TLN2: variants seen among roughly 807,000 people sequenced by gnomAD.
The protein encoded by TLN2 is talin-2.
Under a neutral mutation model 294.7 loss-of-function variants are expected in TLN2, and 118 were observed. The observed-to-expected ratio is 0.40, with a 90% CI of 0.34 to 0.47. TLN2 has a LOEUF of 0.47. Among genes scored for constraint, TLN2 ranks in the 20% least tolerant of loss-of-function variants. The probability of loss-of-function intolerance (pLI) is 0.84; values close to 1 mark genes in which losing one functional copy is unlikely to be tolerated. For missense variants in TLN2, 3,083 were observed against 3,282.2 expected (o/e 0.94, Z 1.48); for synonymous variants, 1,431 against 1,304.5 (o/e 1.10, Z -2.09).
intron 26 of TLN2, among the ~76,000 whole-genome samples, chr15:62,724,356 G>A (rs2060319362): frequency 6.6e-6 from 1 of 152,122 alleles, no homozygotes; most frequent in Non-Finnish European, 1.5e-5. Flanking sequence ...TTAGTATACT[G>A]ATCAATAATT....
Position 62,690,831 on chromosome 15 carries a change from C to T in TLN2, c.1114-2009C>T, listed in dbSNP as rs559813458. Among the ~76,000 whole-genome samples, 23 of 151,604 alleles carry T rather than the reference C, an allele frequency of 1.5e-4. No homozygotes were observed. In the East Asian group the frequency reaches 4.3e-3, roughly 28 times the overall value. The stretch of plus-strand genomic sequence containing the variant: ...CTGGAGACCAGCCCGGCCAACACAG[C>T]GAAACCCCGTCTCCACCAAAAAAAA... On this transcript the variant is annotated intron_variant, in intron 12 of 58. Coordinates refer to ENST00000636159, the MANE Select transcript of TLN2 (RefSeq NM_015059.3).
rs138213879 is a variant in TLN2 at position 62,577,588 on chromosome 15, A to C, written c.-237-12099A>C. ...CTGGGAAGGAATTAAATGGGGGCCT[A>C]GGATGAAATAATTTTGGCCGTGAGT... is the stretch of plus-strand genomic sequence containing the variant. On this transcript the variant is annotated intron_variant, in intron 1 of 58. Transcript: ENST00000636159. Among the ~76,000 whole-genome samples the C allele has an allele frequency of 1.7e-3, 254 of 152,334 alleles. 1 individual carries two copies. The highest frequency in any genetic ancestry group is 5.9e-3 in the African/African-American group (246 of 41,570).
intron 45 of TLN2, among the ~76,000 whole-genome samples, chr15:62,787,491 C>G (rs986474138): frequency 2.6e-5 from 4 of 151,694 alleles, no homozygotes; most frequent in Admixed American, 2.0e-4. Flanking sequence ...TTTATTTCGA[C>G]AAAAAAAGAA....
intron 1 of TLN2, among the ~76,000 whole-genome samples, chr15:62,503,729 T>G (rs1014785136): frequency 1.3e-5 from 2 of 152,216 alleles, no homozygotes; most frequent in African/African-American, 4.8e-5. Flanking sequence ...ATTGTCCTGT[T>G]GTGAATTTTC....
intron 1 of TLN2, among the ~76,000 whole-genome samples, chr15:62,479,578 G>A (rs2037971190): frequency 6.6e-6 from 1 of 152,182 alleles, no homozygotes; most frequent in Admixed American, 6.5e-5. Context: ...CTGGGTTCAA[G>A]CAATTCTCCT....
chr15:62,768,266 G>A (rs1014264114), intron 41 of TLN2, among the ~76,000 whole-genome samples: 8 of 152,156 alleles, frequency 5.3e-5, no homozygotes, highest in African/African-American at 1.9e-4. Context: ...GTGGTGGCAG[G>A]GCTGTGCAGT....
At chr15:62,763,040 T>A (rs964352205) in intron 39 of TLN2, among the ~76,000 whole-genome samples, 1 of 152,210 alleles carries the variant, frequency 6.6e-6, no homozygotes, top group South Asian at 2.1e-4. Context: ...TCCTTAATTA[T>A]ATTTTGCTTC....
intron 25 of TLN2, among the ~76,000 whole-genome samples, chr15:62,722,079 T>G (rs913061812): frequency 2.8e-4 from 43 of 152,180 alleles, no homozygotes; most frequent in Middle Eastern, 3.4e-3. Flanking sequence ...TTGAAATCGG[T>G]TTTAAATGAG....
chr15:62,472,221 A>G (rs899914447), intron 1 of TLN2, among the ~76,000 whole-genome samples: 4 of 150,708 alleles, frequency 2.7e-5, no homozygotes, highest in African/African-American at 9.8e-5. Flanking sequence ...TTTTTCCAGG[A>G]CCCCTCCCCA....
intron 1 of TLN2, among the ~76,000 whole-genome samples, chr15:62,425,289 G>C (rs1355775945): frequency 6.6e-6 from 1 of 151,866 alleles, no homozygotes. Flanking sequence ...TGATTCTAAT[G>C]TGCTGCTGCT....
chr15:62,691,813 G>A (rs1424822975), intron 12 of TLN2, among the ~76,000 whole-genome samples: 2 of 151,828 alleles, frequency 1.3e-5, no homozygotes, highest in Non-Finnish European at 2.9e-5. Context: ...GGAACTGCAG[G>A]CTCATGCCAC....
At chr15:62,535,550 A>G (rs2041296124) in intron 1 of TLN2, among the ~76,000 whole-genome samples, 1 of 145,970 alleles carries the variant, frequency 6.9e-6, no homozygotes, top group South Asian at 2.2e-4. Context: ...TGGGTTAGAT[A>G]ACTTGATTTT....
Position 62,655,601 on chromosome 15 carries a change from G to T in TLN2, c.518-343G>T, listed in dbSNP as rs2053124632. On this transcript the variant is annotated intron_variant, in intron 7 of 58. Coordinates refer to ENST00000636159, the MANE Select transcript of TLN2 (RefSeq NM_015059.3). ...TTCATTGTAGCACATGTCACCGTGG[G>T]TTGGCTGGCACTGTCCCCTGCTCCA... Among the ~76,000 whole-genome samples the T allele has an allele frequency of 0.057, 57 of 996 alleles. 28 individuals carry two copies. In the Non-Finnish European group the frequency reaches 0.66, roughly 11 times the overall value. 0.7% of individuals were successfully genotyped at this position (996 alleles called of 152,430 possible).
intron 11 of TLN2, among the ~76,000 whole-genome samples, chr15:62,676,333 A>G (rs2056183122): frequency 6.6e-6 from 1 of 152,230 alleles, no homozygotes; most frequent in Admixed American, 6.5e-5. Flanking sequence ...TAACCAAACT[A>G]GCTCTCAGTT....
At chr15:62,679,970 C>T (rs2056660673) in intron 11 of TLN2, among the ~76,000 whole-genome samples, 1 of 152,190 alleles carries the variant, frequency 6.6e-6, no homozygotes, top group South Asian at 2.1e-4. Context: ...GCATCATTTT[C>T]AAAATCTAGT....
intron 32 of TLN2, among the ~76,000 whole-genome samples, chr15:62,746,752 GAGTCGAATTCTGGGCCCTGCC>G (rs2061636499): frequency 1.3e-5 from 2 of 152,202 alleles, no homozygotes; most frequent in South Asian, 4.1e-4. Flanking sequence ...GTTAGAAACT[GAGTCGAATTCTGGGCCCTGCC>G]AGAAGCGTGG....
intron 1 of TLN2, among the ~76,000 whole-genome samples, chr15:62,566,451 G>A (rs1290427226): frequency 1.3e-5 from 2 of 151,988 alleles, no homozygotes; most frequent in East Asian, 3.9e-4. Context: ...GGGGTATAAG[G>A]CGAGTTCTAG....
rs1466842133 is a variant in TLN2 at position 62,392,208 on chromosome 15, T to TGAA, written c.-238+1524_-238+1525insAAG. On this transcript the variant is annotated intron_variant, in intron 1 of 58. Transcript: ENST00000636159. ...GCTTCAGGTGACGCGTGGGGAAACTTGGATTCTTGCTGTCCTTGAAGAGCT... is the reference window on the plus strand; with the variant it reads ...GCTTCAGGTGACGCGTGGGGAAACTTGAAGGATTCTTGCTGTCCTTGAAGAGCT... Among the ~76,000 whole-genome samples the TGAA allele has an allele frequency of 7.9e-5, 12 of 152,334 alleles. No homozygotes were observed. In the East Asian group the frequency reaches 2.1e-3, roughly 27 times the overall value.
chr15:62,811,176 A>G (rs541883575), intron 52 of TLN2, among the ~76,000 whole-genome samples: 2 of 152,334 alleles, frequency 1.3e-5, no homozygotes, highest in South Asian at 4.1e-4. Flanking sequence ...TTAAGGGATC[A>G]TTATTTTTAT....
Sources: gnomAD v4.1 joint callset for allele counts (sites outside exome capture counted in the v4.1 genomes callset) on GRCh38, gnomAD v4.1.1 for gene constraint, MANE v1.5 for transcripts, NCBI Gene and HGNC (gene_info 2026-07-23, HGNC 2026-07-21) for gene names.